TMTC1: variants seen among roughly 807,000 people sequenced by gnomAD.
TMTC1 encodes protein O-mannosyl-transferase TMTC1.
In TMTC1, 73 loss-of-function variants were observed where a neutral mutation model predicts 104.8. That is an observed-to-expected ratio of 0.70 (90% confidence interval 0.58 to 0.85). TMTC1 has a LOEUF of 0.85. TMTC1 is among the 40% of genes least tolerant of loss of function. The pLI, the probability that TMTC1 is intolerant of heterozygous loss-of-function variation, is 0.00. For missense variants in TMTC1, 1,035 were observed against 1,096.1 expected, an observed-to-expected ratio of 0.94 and a Z score of 0.79; for synonymous variants, 434 against 428.7, an observed-to-expected ratio of 1.01 and a Z score of -0.15.
At chr12:29,613,450 G>T (rs1441786405) in intron 6 of TMTC1, among the ~76,000 whole-genome samples, 1 of 152,180 alleles carries the variant, frequency 6.6e-6, no homozygotes, top group Non-Finnish European at 1.5e-5. Flanking sequence ...GGGCTTTGAA[G>T]CATCATGCTT....
intron 6 of TMTC1, among the ~76,000 whole-genome samples, chr12:29,631,358 G>C (rs533920277): frequency 1.3e-5 from 2 of 152,128 alleles, no homozygotes; most frequent in South Asian, 4.2e-4. Flanking sequence ...TTTTCTTTTA[G>C]AAATTTTGGT....
rs77624796 is a variant in TMTC1, at chr12:29,562,616, A to C, written c.1533-5616T>G. ...GAAACTGCTTTGGTGGAGTGGAAAA[A>C]TAACTGGATTTGGAGTCAGAAGCCA... On this transcript the variant is annotated intron_variant, in intron 9 of 17. Transcript: ENST00000539277. Among the ~76,000 whole-genome samples, 497 of 152,292 alleles carry C rather than the reference A, an allele frequency of 3.3e-3. 22 individuals are homozygous for C. In the East Asian group the frequency reaches 0.09, roughly 27 times the overall value.
chr12:29,522,712 T>A (rs1944212967), intron 11 of TMTC1, among the ~76,000 whole-genome samples: 1 of 152,146 alleles, frequency 6.6e-6, no homozygotes, highest in Non-Finnish European at 1.5e-5. Context: ...GCTATAGAAG[T>A]ATGACATAGT....
intron 4 of TMTC1, among the ~76,000 whole-genome samples, chr12:29,753,132 T>C (rs1194845175): frequency 6.6e-6 from 1 of 152,210 alleles, no homozygotes; most frequent in East Asian, 1.9e-4. Context: ...TCCTGCTTCC[T>C]GAATCATACG....
intron 11 of TMTC1, among the ~76,000 whole-genome samples, chr12:29,530,578 T>A (rs1238531550): frequency 6.6e-6 from 1 of 152,210 alleles, no homozygotes; most frequent in African/African-American, 2.4e-5. Flanking sequence ...AACCCCTTCA[T>A]AAATATTCAC....
At chr12:29,588,127 C>A (rs1304157823) in intron 7 of TMTC1, among the ~76,000 whole-genome samples, 1 of 152,144 alleles carries the variant, frequency 6.6e-6, no homozygotes, top group African/African-American at 2.4e-5. Context: ...ATCCTACTCC[C>A]CACTGAGGAG....
intron 5 of TMTC1, among the ~76,000 whole-genome samples, chr12:29,637,085 A>AAAACACACACACAC (rs374276185): frequency 3.4e-4 from 16 of 47,694 alleles, no homozygotes; most frequent in East Asian, 1.3e-3. Flanking sequence ...CAAAATGAGA[A>AAAACACACACACAC]ACACACACAC....
intron 5 of TMTC1, among the ~76,000 whole-genome samples, chr12:29,674,832 T>C (rs892658404): frequency 1.3e-5 from 2 of 152,168 alleles, no homozygotes; most frequent in Admixed American, 1.3e-4. Context: ...ATGCCCACAG[T>C]GTTTTCTATT....
chr12:29,637,022 T>A (rs1308285118), intron 5 of TMTC1, among the ~76,000 whole-genome samples: 2 of 151,564 alleles, frequency 1.3e-5, no homozygotes, highest in Non-Finnish European at 2.9e-5. Context: ...ATTGTGCCAC[T>A]GCACTGCAGC....
intron 7 of TMTC1, among the ~76,000 whole-genome samples, chr12:29,585,920 G>C (rs1160634593): frequency 6.6e-6 from 1 of 152,072 alleles, no homozygotes; most frequent in African/African-American, 2.4e-5. Context: ...TTGGAAATGT[G>C]GGCTCTTTTT....
chr12:29,568,720 G>A (rs1945585484), intron 9 of TMTC1: 1 of 323,512 alleles, frequency 3.1e-6, no homozygotes, highest in East Asian at 7.5e-5. Flanking sequence ...ACATGGCCAA[G>A]TACACATCAA....
At chr12:29,656,337 T>TATAC (rs1565744398) in intron 5 of TMTC1, among the ~76,000 whole-genome samples, 1 of 149,458 alleles carries the variant, frequency 6.7e-6, no homozygotes, top group Non-Finnish European at 1.5e-5. Flanking sequence ...TATATATATA[T>TATAC]ATACACACAT....
rs182591953 is a variant in TMTC1, at chr12:29,781,274, C to T, written c.302+2176G>A. Among the ~76,000 whole-genome samples the T allele has an allele frequency of 3.3e-5, 5 of 152,248 alleles. No individual in the cohort carries two copies. The East Asian group carries it at 9.6e-4, about 29-fold the overall frequency. On this transcript the variant is annotated intron_variant, in intron 1 of 17. Coordinates refer to ENST00000539277, the MANE Select transcript of TMTC1 (RefSeq NM_001193451.2). ...TCTTCTAGATTTGCAACTCAATCTTCTCAAAAAAAGAGTGTATCTTTCATA... is the reference window on the plus strand; with the variant it reads ...TCTTCTAGATTTGCAACTCAATCTTTTCAAAAAAAGAGTGTATCTTTCATA...
intron 11 of TMTC1, among the ~76,000 whole-genome samples, chr12:29,527,434 A>G (rs1440273628): frequency 6.6e-6 from 1 of 152,206 alleles, no homozygotes; most frequent in Non-Finnish European, 1.5e-5. Flanking sequence ...GGAGAAGCAC[A>G]AGGTATGTGG....
chr12:29,565,732 A>T (rs1945493782), intron 9 of TMTC1, among the ~76,000 whole-genome samples: 1 of 152,128 alleles, frequency 6.6e-6, no homozygotes, highest in Non-Finnish European at 1.5e-5. Flanking sequence ...CTGTAATCCC[A>T]GTTACTTGGG....
intron 5 of TMTC1, chr12:29,658,248 C>T (rs1300002045): frequency 2.0e-5 from 3 of 152,050 alleles, no homozygotes; most frequent in Non-Finnish European, 4.4e-5. Context: ...AGGTTGCTAT[C>T]ATTAAAATGA....
intron 1 of TMTC1, among the ~76,000 whole-genome samples, chr12:29,778,313 C>T (rs987851888): frequency 6.6e-6 from 1 of 152,202 alleles, no homozygotes; most frequent in African/African-American, 2.4e-5. Flanking sequence ...AGACTTCCAC[C>T]TGCTTACTGA....
intron 6 of TMTC1, among the ~76,000 whole-genome samples, chr12:29,632,107 A>C (rs1392643509): frequency 6.6e-6 from 1 of 152,108 alleles, no homozygotes; most frequent in African/African-American, 2.4e-5. Flanking sequence ...CTTTCCCCTT[A>C]AATTTTTGCT....
At chr12:29,582,352 T>C (rs1946005228) in intron 8 of TMTC1, among the ~76,000 whole-genome samples, 1 of 152,232 alleles carries the variant, frequency 6.6e-6, no homozygotes, top group South Asian at 2.1e-4. Context: ...CCCAAGGGGC[T>C]CTGCCTGCCC....
Sources: gnomAD v4.1 joint callset for allele counts (sites outside exome capture counted in the v4.1 genomes callset) on GRCh38, gnomAD v4.1.1 for gene constraint, MANE v1.5 for transcripts, NCBI Gene and HGNC (gene_info 2026-07-23, HGNC 2026-07-21) for gene names.